The following CCDC68 variants were observed in gnomAD, a reference collection of about 807,000 sequenced individuals.
CCDC68 encodes the protein coiled-coil domain containing 68, also known as coiled-coil domain-containing protein 68.
CCDC68 carries 45 observed loss-of-function variants against 47.1 expected under a neutral mutation model. That is an observed-to-expected ratio of 0.96 (90% CI 0.75 to 1.23). The LOEUF (loss-of-function observed/expected upper bound fraction) is 1.23, where lower values mean the gene tolerates loss of function less well. CCDC68 is among the 50% of genes most tolerant of loss of function. The probability of loss-of-function intolerance (pLI) is 0.00; values close to 1 mark genes in which losing one functional copy is unlikely to be tolerated. For missense variants in CCDC68, 353 were observed against 373.6 expected (o/e 0.94, Z 0.45); for synonymous variants, 131 against 129.5 (o/e 1.01, Z -0.08).
At chr18:54,937,203 A>G (rs1340699381) in intron 5 of CCDC68, 2 of 477,134 alleles carry the variant, frequency 4.2e-6, no homozygotes, top group Non-Finnish European at 7.6e-6. Context: ...AGCTCTGTGC[A>G]TAGTAACGTC....
intron 6 of CCDC68, among the ~76,000 whole-genome samples, chr18:54,935,961 T>C (rs1418980741): frequency 6.6e-6 from 1 of 152,072 alleles, no homozygotes. Context: ...GGTCCTAGTA[T>C]ATATACTTCA....
At chr18:54,935,384 T>C (rs1374270127) in intron 6 of CCDC68, among the ~76,000 whole-genome samples, 1 of 152,200 alleles carries the variant, frequency 6.6e-6, no homozygotes, top group East Asian at 1.9e-4. Flanking sequence ...TTCATAGGCA[T>C]AGAGCAGGGG....
chr18:54,952,607 A>G (rs1384150821), intron 1 of CCDC68, among the ~76,000 whole-genome samples: 1 of 152,218 alleles, frequency 6.6e-6, no homozygotes, highest in Non-Finnish European at 1.5e-5. Flanking sequence ...CTTGGTATTT[A>G]TCCAAGTGAA....
intron 1 of CCDC68, among the ~76,000 whole-genome samples, chr18:54,950,292 G>A (rs1227737176): frequency 6.6e-6 from 1 of 152,142 alleles, no homozygotes; most frequent in East Asian, 1.9e-4. Context: ...AGTGCCACAC[G>A]GATAATTCGG....
chr18:54,922,915 G>C (rs1040898918), intron 8 of CCDC68, among the ~76,000 whole-genome samples: 1 of 150,212 alleles, frequency 6.7e-6, no homozygotes, highest in African/African-American at 2.5e-5. Context: ...TTGAACCCAG[G>C]AGGTGGAGGT....
chr18:54,951,049 C>T (rs1468501695), intron 1 of CCDC68, among the ~76,000 whole-genome samples: 1 of 149,370 alleles, frequency 6.7e-6, no homozygotes, highest in Non-Finnish European at 1.5e-5. Flanking sequence ...GCTGGGACTA[C>T]AGGCGCCCGC....
chr18:54,958,057 T>C (rs1183059306), intron 1 of CCDC68: 1 of 152,236 alleles, frequency 6.6e-6, no homozygotes, highest in Non-Finnish European at 1.5e-5. Flanking sequence ...ACAGTATTAA[T>C]TTCAAAAGTC....
intron 8 of CCDC68, among the ~76,000 whole-genome samples, chr18:54,926,969 T>C (rs369673598): frequency 3.1e-4 from 47 of 152,352 alleles, no homozygotes; most frequent in African/African-American, 1.1e-3. Context: ...GTAATAGAAA[T>C]ATGGAGTCAA....
intron 4 of CCDC68, 105 bp from the exon 5 acceptor site, chr18:54,938,202 TC>T: frequency 9.3e-7 from 1 of 1,076,376 alleles, no homozygotes; most frequent in African/African-American, 1.6e-5. Context: ...AAGCTTCAGA[TC>T]AGCACAAACA....
At position 54,901,828 on chromosome 18, in the gene CCDC68, G is replaced by A. The variant is rs1599010635; in HGVS notation, c.*2530C>T. The A allele has an allele frequency of 6.6e-6, 1 of 151,870 alleles. No individual in the cohort carries two copies. The highest frequency in any genetic ancestry group is 1.9e-4 in the East Asian group (1 of 5,182). The allele number at this position is 151,870 out of a possible 1,614,324, so 9.4% of individuals were successfully genotyped here. On this transcript the variant is annotated 3_prime_UTR_variant, in exon 12 of 12. Transcript: ENST00000591504. ...TTTCTTTTCCTATATTTCCTGTGAA[G>A]TACTATTTTAGCTGAATAAATATTA...
chr18:54,928,722 T>G (rs771201971), intron 8 of CCDC68, 78 bp downstream of exon 8: 6 of 885,810 alleles, frequency 6.8e-6, no homozygotes, highest in Non-Finnish European at 1.1e-5. Context: ...ACAGAAGGTC[T>G]TCTGTTCCCT....
chr18:54,929,734 C>G (rs918370832), intron 7 of CCDC68, among the ~76,000 whole-genome samples: 3 of 152,164 alleles, frequency 2.0e-5, no homozygotes, highest in Non-Finnish European at 2.9e-5. Flanking sequence ...CCCGCTGCAG[C>G]ATCTGAGTGA....
Position 54,909,528 on chromosome 18 carries a change from G to T in CCDC68, c.874-1666C>A, listed in dbSNP as rs572704943. ...CTTTGCCAGAGTTTTACTTGGTTCC[G>T]TTGGGCTCATTTTGTTCACTCAGCC... On this transcript the variant is annotated intron_variant, in intron 10 of 11. Transcript: ENST00000591504. Among the ~76,000 whole-genome samples the T allele has an allele frequency of 5.9e-5, 9 of 152,254 alleles. No individual in the cohort carries two copies. In the South Asian group the frequency reaches 1.5e-3, roughly 25 times the overall value.
chr18:54,933,256 AT>A (rs2044293320), intron 7 of CCDC68, among the ~76,000 whole-genome samples: 1 of 151,888 alleles, frequency 6.6e-6, no homozygotes, highest in South Asian at 2.1e-4. Context: ...TAATTTTTGT[AT>A]TTTTAGTAGA....
rs1168040809 is a variant in CCDC68 at position 54,902,113 on chromosome 18, A to C, written c.*2245T>G. On this transcript the variant is annotated 3_prime_UTR_variant, in exon 12 of 12. Transcript: ENST00000591504. ...GCTTGGCCCACACTCAGGAACGACC[A>C]AGGGCAGTTTCGAGGCAAGATAGAT... The C allele has an allele frequency of 3.7e-5, 5 of 136,154 alleles. No individual in the cohort carries two copies. The highest frequency in any genetic ancestry group is 3.1e-4 in the Admixed American group (4 of 13,104). 8.4% of individuals were successfully genotyped at this position (136,154 alleles called of 1,614,324 possible). A position where few individuals can be genotyped will look rare whatever the true frequency, so the allele number is the denominator to read the frequency against.
chr18:54,932,379 CAG>C (rs1157492257), intron 7 of CCDC68, among the ~76,000 whole-genome samples: 1 of 151,740 alleles, frequency 6.6e-6, no homozygotes, highest in Non-Finnish European at 1.5e-5. Flanking sequence ...TTAGGAGAGA[CAG>C]GGTTTCACCA....
chr18:54,940,723 T>C (rs917560699), intron 4 of CCDC68, among the ~76,000 whole-genome samples: 2 of 152,254 alleles, frequency 1.3e-5, no homozygotes, highest in African/African-American at 2.4e-5. Flanking sequence ...TTGGGAAATG[T>C]TGCTGTCATG....
rs540424863 is a variant in CCDC68 at position 54,914,271 on chromosome 18, A to T, written c.873+3642T>A. 4.6e-5 allele frequency among the ~76,000 whole-genome samples: 7 copies of T among 152,334 alleles called. No individual in the cohort carries two copies. The South Asian group carries it at 1.4e-3, about 32-fold the overall frequency. ...AAATAAATGTTGAGAACATAAAGTC[A>T]CTCATCAGATACTGTTATTATTTGA... On this transcript the variant is annotated intron_variant, in intron 10 of 11. Transcript: ENST00000591504.
At chr18:54,936,658 G>A (rs1370505779) in intron 6 of CCDC68, among the ~76,000 whole-genome samples, 175 bp downstream of exon 6, 2 of 152,180 alleles carry the variant, frequency 1.3e-5, no homozygotes, top group Non-Finnish European at 2.9e-5. Flanking sequence ...GGGGTGTCCG[G>A]CTAAGCAGGG....
Sources: allele counts gnomAD v4.1 joint callset (sites outside exome capture counted in the v4.1 genomes callset), GRCh38; gene constraint gnomAD v4.1.1; transcripts MANE v1.5; gene names NCBI Gene and HGNC (gene_info 2026-07-23, HGNC 2026-07-21).